The following TBC1D22A variants were observed in gnomAD, a reference collection of about 807,000 sequenced individuals.
TBC1D22A encodes the protein putative GTPase activator.
In TBC1D22A, 38 loss-of-function variants were observed where a neutral mutation model predicts 60.2. That is an observed-to-expected ratio of 0.63 (90% CI 0.49 to 0.83). The LOEUF is 0.83. Ranked by LOEUF, TBC1D22A falls within the 40% of genes least tolerant of loss-of-function variation. The probability of loss-of-function intolerance (pLI) is 0.00; values close to 1 mark genes in which losing one functional copy is unlikely to be tolerated. For synonymous variants in TBC1D22A, 302 were observed against 281.7 expected, an observed-to-expected ratio of 1.07 and a Z score of -0.72; for missense variants, 628 against 701.0, an observed-to-expected ratio of 0.90 and a Z score of 1.18.
intron 8 of TBC1D22A, among the ~76,000 whole-genome samples, chr22:46,954,171 C>T (rs994912670): frequency 2.0e-5 from 3 of 152,206 alleles, no homozygotes; most frequent in African/African-American, 7.2e-5. Flanking sequence ...CCACAGGGCC[C>T]ATAGGCACTA....
rs112954689 is a variant in TBC1D22A at position 47,115,300 on chromosome 22, A to G, written c.1425+3697A>G. Among the ~76,000 whole-genome samples, 55 of 152,256 alleles carry G rather than the reference A, an allele frequency of 3.6e-4. 1 individual carries two copies. Among genetic ancestry groups the G allele is most frequent in the Middle Eastern group, 6.8e-3 (2 of 294 alleles). On this transcript the variant is annotated intron_variant, in intron 12 of 12. Transcript: ENST00000337137. The stretch of plus-strand genomic sequence containing the variant: ...CATCTGCATTGCTAATCCGCAGGCT[A>G]TATGTATGTGGCTCCACAGCCCTGC...
chr22:46,993,997 G>A (rs578193329), intron 9 of TBC1D22A, among the ~76,000 whole-genome samples: 66 of 152,328 alleles, frequency 4.3e-4, no homozygotes, highest in African/African-American at 1.5e-3. Flanking sequence ...GGCCTTCTCC[G>A]CCCCTAGCCT....
intron 4 of TBC1D22A, among the ~76,000 whole-genome samples, chr22:46,869,731 A>G (rs539374195): frequency 2.4e-4 from 36 of 152,352 alleles, no homozygotes; most frequent in Middle Eastern, 6.8e-3. Context: ...ATTTCTTACT[A>G]TTGTTCAGTG....
intron 9 of TBC1D22A, among the ~76,000 whole-genome samples, chr22:46,989,868 T>C (rs2074872555): frequency 6.6e-6 from 1 of 152,118 alleles, no homozygotes; most frequent in Admixed American, 6.5e-5. Flanking sequence ...AGTGATGCGA[T>C]CTCAGCTCAC....
intron 4 of TBC1D22A, among the ~76,000 whole-genome samples, chr22:46,856,956 G>T (rs1401037738): frequency 6.6e-6 from 1 of 152,244 alleles, no homozygotes; most frequent in African/African-American, 2.4e-5. Context: ...CGAGCTAGAG[G>T]CATCTCTCCC....
At chr22:46,862,121 G>A (rs1203363089) in intron 4 of TBC1D22A, among the ~76,000 whole-genome samples, 1 of 152,206 alleles carries the variant, frequency 6.6e-6, no homozygotes, top group African/African-American at 2.4e-5. Flanking sequence ...AGCTCTCCTG[G>A]GCCTCAGTGA....
chr22:47,039,470 T>G (rs1194973678), intron 11 of TBC1D22A, among the ~76,000 whole-genome samples: 1 of 152,048 alleles, frequency 6.6e-6, no homozygotes, highest in East Asian at 1.9e-4. Context: ...TTTAACCCCT[T>G]ACAAGGTAGC....
intron 10 of TBC1D22A, among the ~76,000 whole-genome samples, chr22:47,010,472 G>GC (rs2061721658): frequency 1.3e-5 from 2 of 152,212 alleles, no homozygotes; most frequent in African/African-American, 4.8e-5. Flanking sequence ...TGCGACCTAA[G>GC]GTGTGTGTGG....
intron 8 of TBC1D22A, among the ~76,000 whole-genome samples, chr22:46,973,552 A>G (rs140051193): frequency 1.3e-5 from 2 of 152,392 alleles, no homozygotes; most frequent in East Asian, 3.8e-4. Context: ...TGCCATGCAA[A>G]TAAAACTAAA....
At chr22:47,019,738 C>G (rs1275563240) in intron 10 of TBC1D22A, among the ~76,000 whole-genome samples, 1 of 151,960 alleles carries the variant, frequency 6.6e-6, no homozygotes, top group Admixed American at 6.5e-5. Flanking sequence ...TAGGATGATC[C>G]ATCCTACCCA....
chr22:46,803,312 C>T (rs547733960), intron 4 of TBC1D22A, among the ~76,000 whole-genome samples: 8 of 152,300 alleles, frequency 5.3e-5, no homozygotes, highest in East Asian at 3.9e-4. Context: ...GGGGTCACCC[C>T]GGGCTGGGCT....
intron 7 of TBC1D22A, among the ~76,000 whole-genome samples, chr22:46,902,776 C>A (rs1460335841): frequency 6.6e-6 from 1 of 150,572 alleles, no homozygotes; most frequent in African/African-American, 2.5e-5. Context: ...TCCCGAAGAA[C>A]ACCAGCAGAC....
intron 5 of TBC1D22A, among the ~76,000 whole-genome samples, chr22:46,884,945 C>T (rs1284109560): frequency 2.0e-5 from 3 of 152,162 alleles, no homozygotes; most frequent in African/African-American, 4.8e-5. Flanking sequence ...CCGCAGGAGC[C>T]GTCAGCCTAG....
intron 11 of TBC1D22A, among the ~76,000 whole-genome samples, chr22:47,065,172 A>T (rs1388719957): frequency 6.6e-6 from 1 of 151,836 alleles, no homozygotes; most frequent in South Asian, 2.1e-4. Flanking sequence ...ATTTTTTTGT[A>T]TTTTTATTAG....
chr22:46,792,703 C>G, intron 2 of TBC1D22A, 127 bp downstream of exon 2: 1 of 1,590,584 alleles, frequency 6.3e-7, no homozygotes, highest in Non-Finnish European at 8.6e-7. Flanking sequence ...TCTCATTCAG[C>G]CACACTGATC....
Position 47,175,043 on chromosome 22 carries a change from C to T in TBC1D22A, c.*1417C>T, listed in dbSNP as rs1273125993. 2.0e-5 allele frequency: 3 copies of T among 152,360 alleles called. No individual in the cohort carries two copies. The highest frequency in any genetic ancestry group is 7.2e-5 in the African/African-American group (3 of 41,460). The allele number at this position is 152,360 out of a possible 1,614,324, so 9.4% of individuals were successfully genotyped here. On this transcript the variant is annotated 3_prime_UTR_variant, in exon 13 of 13. Coordinates refer to ENST00000337137, the MANE Select transcript of TBC1D22A (RefSeq NM_014346.5). ...TGACTTCCCAGACTCTCCTCTGTCC[C>T]TCAGGAGCAGCCGTGTCCTCTCCCA...
intron 9 of TBC1D22A, among the ~76,000 whole-genome samples, chr22:46,991,446 C>T (rs188404176): frequency 4.6e-5 from 7 of 152,248 alleles, no homozygotes; most frequent in African/African-American, 9.6e-5. Context: ...CAGTGCCAGC[C>T]GGGAACCAAT....
intron 11 of TBC1D22A, among the ~76,000 whole-genome samples, chr22:47,087,293 T>C (rs991339446): frequency 6.6e-6 from 1 of 152,280 alleles, no homozygotes; most frequent in African/African-American, 2.4e-5. Flanking sequence ...ATCTGAAGCC[T>C]GACTTCTCTT....
chr22:46,798,900 G>A (rs563616087), intron 4 of TBC1D22A, among the ~76,000 whole-genome samples: 2 of 152,318 alleles, frequency 1.3e-5, no homozygotes, highest in East Asian at 1.9e-4. Flanking sequence ...GAGGGTTTCC[G>A]GGCAGAAGCA....
Sources: allele counts gnomAD v4.1 joint callset (sites outside exome capture counted in the v4.1 genomes callset), GRCh38; gene constraint gnomAD v4.1.1; transcripts MANE v1.5; gene names NCBI Gene and HGNC (gene_info 2026-07-23, HGNC 2026-07-21).